Variants in TRIT1 observed in about 807,000 individuals in gnomAD.
TRIT1 encodes tRNA dimethylallyltransferase.
A neutral mutation model predicts 51.2 loss-of-function variants in TRIT1; 43 were observed. The observed-to-expected ratio is 0.84, with a 90% confidence interval of 0.66 to 1.08. The LOEUF (loss-of-function observed/expected upper bound fraction) is 1.08. Ranked by LOEUF, TRIT1 falls within the 50% of genes least tolerant of loss-of-function variation. The probability of loss-of-function intolerance (pLI) is 0.00; values close to 1 mark genes in which losing one functional copy is unlikely to be tolerated. For missense variants in TRIT1, 528 were observed against 578.4 expected (o/e 0.91, Z 0.89); for synonymous variants, 184 against 203.9 (o/e 0.90, Z 0.83).
intron 1 of TRIT1, among the ~76,000 whole-genome samples, chr1:39,862,333 C>T (rs1463431588): frequency 6.8e-6 from 1 of 146,666 alleles, no homozygotes; most frequent in South Asian, 2.1e-4. Flanking sequence ...AAAAAAAAGA[C>T]TTGGATGATA....
chr1:39,848,413 CT>C (rs1333759779), intron 5 of TRIT1, among the ~76,000 whole-genome samples: 1 of 151,908 alleles, frequency 6.6e-6, no homozygotes, highest in Non-Finnish European at 1.5e-5. Flanking sequence ...TGAGGATCCC[CT>C]GGTTTACCTT....
chr1:39,879,939 G>A (rs7530647), intron 1 of TRIT1, among the ~76,000 whole-genome samples: 39,381 of 148,906 alleles, frequency 0.26, 5,589 homozygotes, highest in African/African-American at 0.37. Flanking sequence ...CATTTTGGGA[G>A]GTTGAGGTGG....
At position 39,854,050 on chromosome 1, in the gene TRIT1, G is replaced by C. The variant is rs756728965; in HGVS notation, c.334C>G (p.Arg112Gly). 6.2e-7 allele frequency: 1 copy of C among 1,606,770 alleles called. No individual in the cohort carries two copies. Among genetic ancestry groups the C allele is most frequent in the Middle Eastern group, 1.7e-4 (1 of 6,048 alleles). The change falls in exon 3 of 11, where the codon CGA becomes GGA. Residue 112 changes from arginine to glycine, a missense_variant. Arg to Gly is a moderately radical substitution (Grantham distance 125, BLOSUM62 -2). This residue lies in a region of TRIT1 where 468 missense variants were observed against 522.6 expected (regional missense o/e 0.90). Coordinates refer to ENST00000316891, the MANE Select transcript of TRIT1 (RefSeq NM_017646.6). ...ATALIEDIFA[R>G]DKIPIVVGGT... ...CCCACAACAATAGGAATTTTGTCTC[G>C]GGCAAATATATCTTCAATGTGAACA...
intron 7 of TRIT1, 104 bp downstream of exon 7, chr1:39,847,444 G>T: frequency 6.9e-7 from 1 of 1,446,558 alleles, no homozygotes; most frequent in Non-Finnish European, 9.7e-7. Flanking sequence ...TGAGCTGAAG[G>T]CTATTTGGGA....
chr1:39,858,781 G>A (rs1216506250), intron 1 of TRIT1, among the ~76,000 whole-genome samples: 1 of 152,140 alleles, frequency 6.6e-6, no homozygotes. Flanking sequence ...CATCAACTCT[G>A]CCTTTTTAAC....
At chr1:39,883,204 A>G in intron 1 of TRIT1, 114 bp downstream of exon 1, 1 of 1,153,586 alleles carries the variant, frequency 8.7e-7, no homozygotes, top group Non-Finnish European at 1.2e-6. Context: ...GGCTCCCTTT[A>G]CCTACCCCCT....
chr1:39,866,871 A>G (rs965372635), intron 1 of TRIT1, among the ~76,000 whole-genome samples: 1 of 152,176 alleles, frequency 6.6e-6, no homozygotes, highest in Admixed American at 6.5e-5. Flanking sequence ...ACGTGCCTAT[A>G]GTTCTAGCTG....
At chr1:39,862,080 G>A (rs1429286960) in intron 1 of TRIT1, among the ~76,000 whole-genome samples, 3 of 152,144 alleles carry the variant, frequency 2.0e-5, no homozygotes, top group Non-Finnish European at 4.4e-5. Flanking sequence ...ACCTAGAGTA[G>A]TCAAATTCAT....
chr1:39,847,345 C>G (rs1168998419), intron 7 of TRIT1, 48 bp from the exon 8 acceptor site: 21 of 1,582,828 alleles, frequency 1.3e-5, no homozygotes, highest in Non-Finnish European at 1.8e-5. Context: ...CACTCCTTAC[C>G]CTGCAGAGAG....
intron 1 of TRIT1, among the ~76,000 whole-genome samples, chr1:39,863,752 GA>G (rs528386601): frequency 7.2e-4 from 61 of 84,210 alleles, no homozygotes; most frequent in East Asian, 1.7e-3. Context: ...CTACAACAGA[GA>G]AAAAAAAAAA....
In TRIT1 at chr1:39,838,643, C is replaced by CAT. The variant is rs545111054; in HGVS notation, c.*3099_*3100dup. Among the ~76,000 whole-genome samples the CAT allele has an allele frequency of 3.8e-3, 583 of 151,536 alleles. 5 individuals are homozygous for CAT. The highest frequency in any genetic ancestry group is 4.0e-3 in the Non-Finnish European group (271 of 67,904). On this transcript the variant is annotated 3_prime_UTR_variant, in exon 11 of 11. Transcript: ENST00000316891. ...TGACCCACCATACCCGGCATGCATA[C>CAT]ATATATATATATGTAAGTATGTATG... is the stretch of plus-strand genomic sequence containing the variant.
rs1033655889 is a variant in TRIT1 at position 39,838,586 on chromosome 1, C to G, written c.*3158G>C. ...TCCCAGGCCCAAGCCATCCTCCTAC[C>G]TGAGCCTTCCACGTAGCTGGGACTA... On this transcript the variant is annotated 3_prime_UTR_variant, in exon 11 of 11. Transcript: ENST00000316891. Among the ~76,000 whole-genome samples the G allele has an allele frequency of 1.3e-5, 2 of 152,232 alleles. No individual in the cohort carries two copies. Among genetic ancestry groups the G allele is most frequent in the Admixed American group, 6.5e-5 (1 of 15,288 alleles).
chr1:39,847,755 A>G, intron 6 of TRIT1, 95 bp from the exon 7 acceptor site: 2 of 1,591,186 alleles, frequency 1.3e-6, no homozygotes, highest in Non-Finnish European at 1.7e-6. Flanking sequence ...CATCTGTCAG[A>G]TAAGGAAATT....
intron 1 of TRIT1, among the ~76,000 whole-genome samples, chr1:39,881,037 G>A (rs1221510166): frequency 6.6e-6 from 1 of 151,808 alleles, no homozygotes; most frequent in Non-Finnish European, 1.5e-5. Flanking sequence ...GGCCAACATG[G>A]CGAAACTCCG....
chr1:39,852,894 A>G lies in TRIT1; in HGVS notation c.415-18T>C. The G allele has an allele frequency of 6.2e-7, 1 of 1,613,384 alleles. No individual in the cohort carries two copies. The highest frequency in any genetic ancestry group is 8.5e-7 in the Non-Finnish European group (1 of 1,179,736). On this transcript the variant is annotated intron_variant, in intron 3 of 10. Coordinates refer to ENST00000316891, the MANE Select transcript of TRIT1 (RefSeq NM_017646.6). Reference sequence around the variant, plus strand: ...TCCTGGGGCTATTAAATGATGGTTTAGAAGTATATTTAATTCAACCAACAC... The same window carrying G: ...TCCTGGGGCTATTAAATGATGGTTTGGAAGTATATTTAATTCAACCAACAC...
intron 1 of TRIT1, among the ~76,000 whole-genome samples, chr1:39,861,169 A>C (rs1428816583): frequency 1.3e-5 from 2 of 152,206 alleles, no homozygotes; most frequent in African/African-American, 4.8e-5. Flanking sequence ...AAGGATGTAG[A>C]GAAACTGGAA....
intron 1 of TRIT1, among the ~76,000 whole-genome samples, chr1:39,871,529 G>A (rs1018741809): frequency 3.4e-5 from 5 of 147,500 alleles, no homozygotes; most frequent in Admixed American, 3.3e-4. Flanking sequence ...GCAGTGAGCC[G>A]AGATGGCGCC....
intron 1 of TRIT1, among the ~76,000 whole-genome samples, chr1:39,871,537 G>A (rs1188351845): frequency 6.7e-6 from 1 of 148,596 alleles, no homozygotes; most frequent in East Asian, 2.1e-4. Flanking sequence ...CCGAGATGGC[G>A]CCACTGCACC....
chr1:39,871,331 G>A (rs1261619914), intron 1 of TRIT1, among the ~76,000 whole-genome samples: 2 of 152,180 alleles, frequency 1.3e-5, no homozygotes, highest in East Asian at 3.9e-4. Flanking sequence ...AGTGGCTCAC[G>A]CCTATAATCG....
Sources: allele counts gnomAD v4.1 joint callset (sites outside exome capture counted in the v4.1 genomes callset), GRCh38; gene constraint gnomAD v4.1.1; regional missense constraint gnomAD v4.1.1; transcripts MANE v1.5; gene names NCBI Gene and HGNC (gene_info 2026-07-23, HGNC 2026-07-21).